SLC12A7: variants seen among roughly 807,000 people sequenced by gnomAD.
SLC12A7 encodes solute carrier family 12 member 7.
SLC12A7 carries 100 observed loss-of-function variants against 120.6 expected under a neutral mutation model. The observed-to-expected ratio is 0.83, with a 90% CI of 0.71 to 0.98. SLC12A7 has a LOEUF of 0.98. Among genes scored for constraint, SLC12A7 ranks in the 50% least tolerant of loss-of-function variants. The pLI is 0.00. For missense variants in SLC12A7, 1,373 were observed against 1,548.1 expected (o/e 0.89, Z 1.90); for synonymous variants, 760 against 678.0 (o/e 1.12, Z -1.88).
chr5:1,131,758 G>T, the SLC12A7 span, among the ~76,000 whole-genome samples: 2 of 152,240 alleles, frequency 1.3e-5, no homozygotes, highest in East Asian at 1.9e-4. Context: ...CCTCGTCCAG[G>T]ACACGGGAAA....
At chr5:1,140,423 C>T in the SLC12A7 span, among the ~76,000 whole-genome samples, 1 of 152,218 alleles carries the variant, frequency 6.6e-6, no homozygotes, top group South Asian at 2.1e-4. Context: ...CACTGGTAAG[C>T]AGGGGAGGAG....
At position 1,077,738 on chromosome 5, in the gene SLC12A7, T is replaced by C; in HGVS notation, c.1629+95A>G. 3.1e-6 allele frequency: 4 copies of C among 1,294,920 alleles called. No individual in the cohort carries two copies. In the South Asian group the frequency reaches 6.2e-5, roughly 20 times the overall value. 80.2% of individuals were successfully genotyped at this position (1,294,920 alleles called of 1,614,324 possible). A position where few individuals can be genotyped will look rare whatever the true frequency, so the allele number is the denominator to read the frequency against. On this transcript the variant is annotated intron_variant, in intron 12 of 23. Transcript: ENST00000264930. ...CACCATGGGGTCCAAGCCGCGGGCA[T>C]GCGTCCCACACACGGCACTGTGAGG... is the stretch of plus-strand genomic sequence containing the variant.
chr5:1,145,471 C>T, the SLC12A7 span, among the ~76,000 whole-genome samples: 4 of 152,260 alleles, frequency 2.6e-5, no homozygotes, highest in South Asian at 6.2e-4. This position sits in a 1 kb window ranked among gnomAD's most constrained non-coding sequence, Gnocchi z 4.4. Flanking sequence ...GGCTGCCTAG[C>T]GGCCAGGCTT....
At chr5:1,079,681 G>C (rs1344826656) in intron 9 of SLC12A7, among the ~76,000 whole-genome samples, 185 bp from the exon 10 acceptor site, 1 of 152,184 alleles carries the variant, frequency 6.6e-6, no homozygotes, top group Non-Finnish European at 1.5e-5. Context: ...TGCGGGCCCA[G>C]GCACGCGGAT....
At chr5:1,106,252 A>C (rs1742520261) in intron 1 of SLC12A7, among the ~76,000 whole-genome samples, 1 of 152,236 alleles carries the variant, frequency 6.6e-6, no homozygotes, top group Non-Finnish European at 1.5e-5. Flanking sequence ...CAGGAGTTCA[A>C]AACCAGCTTG....
rs182202766 is a variant in SLC12A7 at position 1,088,285 on chromosome 5, C to T, written c.544+21G>A. ...ACTCCTCTAACAGGACTCAGGGCCG[C>T]GGCTGGCGGGCACCCCTTACCTGGG... On this transcript the variant is annotated intron_variant, in intron 5 of 23. Transcript: ENST00000264930. 7.0e-5 allele frequency: 110 copies of T among 1,576,464 alleles called. No homozygotes were observed. In the East Asian group the frequency reaches 1.8e-3, roughly 26 times the overall value.
chr5:1,141,939 G>A, the SLC12A7 span, among the ~76,000 whole-genome samples: 9 of 152,326 alleles, frequency 5.9e-5, no homozygotes, highest in African/African-American at 2.2e-4. Flanking sequence ...ACCTGGTCAT[G>A]TGGAGTCTGA....
chr5:1,108,542 G>A (rs756907362), intron 1 of SLC12A7, among the ~76,000 whole-genome samples: 4 of 152,152 alleles, frequency 2.6e-5, no homozygotes, highest in Admixed American at 6.5e-5. Context: ...TGTCCGTGTC[G>A]GGAACGCCCT....
the SLC12A7 span, among the ~76,000 whole-genome samples, chr5:1,124,702 A>G: frequency 7.2e-5 from 11 of 152,204 alleles, no homozygotes; most frequent in Non-Finnish European, 1.5e-4. Flanking sequence ...CTGGACCATC[A>G]AGGGCATCTG....
In SLC12A7 at chr5:1,083,959, G is replaced by A. The variant is rs79985128; in HGVS notation, c.918-3C>T. On this transcript the variant is annotated splice_region_variant and splice_polypyrimidine_tract_variant and intron_variant, in intron 7 of 23. Transcript: ENST00000264930. ...TGCGGTTCCCCAGGAGGCAGACCCT[G>A]GGCGGGACAGGGAGGCACGGCACGT... 71,482 of 1,599,486 alleles carry A rather than the reference G, an allele frequency of 0.045. 2,046 individuals carry two copies. Among genetic ancestry groups the A allele is most frequent in the South Asian group, 0.11 (10,381 of 90,946 alleles).
chr5:1,061,004 G>GAAC lies in SLC12A7; in HGVS notation c.2740-554_2740-553insGTT, dbSNP rs1179714921. ...CTCACCCACTGCACCTGCCGTGCAGGATCCCTGAGTCTCACCCGCCGCACC... is the reference window on the plus strand; with the variant it reads ...CTCACCCACTGCACCTGCCGTGCAGGAACATCCCTGAGTCTCACCCGCCGCACC... On this transcript the variant is annotated intron_variant, in intron 20 of 23. Coordinates refer to ENST00000264930, the MANE Select transcript of SLC12A7 (RefSeq NM_006598.3). Among the ~76,000 whole-genome samples the GAAC allele has an allele frequency of 1.8e-3, 263 of 148,724 alleles. 4 individuals are homozygous for GAAC. Among genetic ancestry groups the GAAC allele is most frequent in the African/African-American group, 6.1e-3 (241 of 39,328 alleles).
chr5:1,075,931 C>G, intron 14 of SLC12A7: 1 of 559,544 alleles, frequency 1.8e-6, no homozygotes, highest in Non-Finnish European at 3.2e-6. Context: ...CAGGTGCAGT[C>G]TCATCAGCTG....
the SLC12A7 span, among the ~76,000 whole-genome samples, chr5:1,130,374 G>A: frequency 6.0e-4 from 92 of 152,276 alleles, no homozygotes; most frequent in East Asian, 0.012. Flanking sequence ...CTGCATCTGC[G>A]TCTGGGCAGA....
rs566394225 is a variant in SLC12A7 at position 1,078,812 on chromosome 5, G to C, written c.1397-54C>G. ...CCGTGGGTGCAGGGTCCTCAGGTAC[G>C]GGGGGTGGGGTGGGGTGGGGTGGGG... On this transcript the variant is annotated intron_variant, in intron 10 of 23. Transcript: ENST00000264930. 1.5e-5 allele frequency: 11 copies of C among 726,680 alleles called. No homozygotes were observed. The East Asian group carries it at 2.2e-4, about 14-fold the overall frequency. 45.0% of individuals were successfully genotyped at this position (726,680 alleles called of 1,614,324 possible).
At chr5:1,089,226 C>T (rs538564213) in intron 3 of SLC12A7, 98 bp from the exon 4 acceptor site, 51 of 1,402,330 alleles carry the variant, frequency 3.6e-5, no homozygotes, top group East Asian at 3.3e-4. Flanking sequence ...GCAAAGCGGC[C>T]GTGGGGGCAG....
At chr5:1,136,892 C>T in the SLC12A7 span, among the ~76,000 whole-genome samples, 5 of 151,816 alleles carry the variant, frequency 3.3e-5, no homozygotes, top group South Asian at 1.0e-3. Flanking sequence ...AACAGCAGGA[C>T]ACGCAGGCAC....
At chr5:1,074,361 C>T (rs1211661765) in intron 16 of SLC12A7, among the ~76,000 whole-genome samples, 1 of 152,184 alleles carries the variant, frequency 6.6e-6, no homozygotes, top group Non-Finnish European at 1.5e-5. Flanking sequence ...GAGGGGCCGG[C>T]TCCCCACACC....
chr5:1,096,851 AGGG>A lies in SLC12A7; in HGVS notation c.125-2606_125-2604del, dbSNP rs1399250411. On this transcript the variant is annotated intron_variant, in intron 1 of 23. Transcript: ENST00000264930. ...GAAGGAAGGAGGGAGGGAGGGAAGG[AGGG>A]AGGGAGGGATGAAGGGAGGGAGGGA... is the stretch of plus-strand genomic sequence containing the variant. Among the ~76,000 whole-genome samples the A allele has an allele frequency of 8.2e-4, 61 of 74,744 alleles. 3 individuals are homozygous for A. Among genetic ancestry groups the A allele is most frequent in the African/African-American group, 5.1e-4 (10 of 19,702 alleles). The allele number at this position is 74,744 out of a possible 152,430, so 49.0% of individuals were successfully genotyped here.
chr5:1,082,166 A>T lies in SLC12A7; in HGVS notation c.1130-422T>A, dbSNP rs55666581. Among the ~76,000 whole-genome samples the T allele has an allele frequency of 1.8e-5, 2 of 112,946 alleles. 1 individual carries two copies. Among genetic ancestry groups the T allele is most frequent in the Admixed American group, 1.8e-4 (2 of 11,028 alleles). The allele number at this position is 112,946 out of a possible 152,430, so 74.1% of individuals were successfully genotyped here. A position where few individuals can be genotyped will look rare whatever the true frequency, so the allele number is the denominator to read the frequency against. Reference sequence around the variant, plus strand: ...TGGGGAAGTCCGGGCTTCCCGTCTCAGGTTCTGGAAAGTCCGGGCTTCCCG... The same window carrying T: ...TGGGGAAGTCCGGGCTTCCCGTCTCTGGTTCTGGAAAGTCCGGGCTTCCCG... On this transcript the variant is annotated intron_variant, in intron 8 of 23. Coordinates refer to ENST00000264930, the MANE Select transcript of SLC12A7 (RefSeq NM_006598.3).
Sources: gnomAD v4.1 joint callset for allele counts (sites outside exome capture counted in the v4.1 genomes callset) on GRCh38, gnomAD v4.1.1 for gene constraint, Gnocchi (gnomAD v3.1) non-coding constraint, MANE v1.5 for transcripts, NCBI Gene and HGNC (gene_info 2026-07-23, HGNC 2026-07-21) for gene names.